Variants in NOL10 observed in about 807,000 individuals in gnomAD.
NOL10 encodes nucleolar protein 10, also known as H_NH0074G24.1.
A neutral mutation model predicts 103.5 loss-of-function variants in NOL10; 58 were observed. That is an observed-to-expected ratio of 0.56 (90% CI 0.45 to 0.70). NOL10 has a LOEUF of 0.70. Among genes scored for constraint, NOL10 ranks in the 30% least tolerant of loss-of-function variants. The pLI is 0.00. For missense variants in NOL10, 763 were observed against 807.3 expected (o/e 0.95, Z 0.67); for synonymous variants, 287 against 282.5 (o/e 1.02, Z -0.16).
chr2:10,597,746 A>AT (rs1450680507), intron 17 of NOL10, among the ~76,000 whole-genome samples: 1 of 152,220 alleles, frequency 6.6e-6, no homozygotes, highest in Non-Finnish European at 1.5e-5. Context: ...CTTTGGAAGA[A>AT]TTCTGTTATC....
chr2:10,593,900 C>A (rs1216155489), intron 17 of NOL10, among the ~76,000 whole-genome samples: 1 of 152,164 alleles, frequency 6.6e-6, no homozygotes, highest in Non-Finnish European at 1.5e-5. Flanking sequence ...ACCTGACCAG[C>A]CAAGAGAAAG....
chr2:10,681,469 G>T lies in NOL10; in HGVS notation c.211+502C>A, dbSNP rs368913987. ...AGCAATGGTTGTCTCTGCATGGGTG[G>T]GAGAAATTTTCTGCAGGAAAAAAAT... On this transcript the variant is annotated intron_variant, in intron 3 of 20. Coordinates refer to ENST00000381685, the MANE Select transcript of NOL10 (RefSeq NM_024894.4). 2.1e-3 allele frequency among the ~76,000 whole-genome samples: 320 copies of T among 152,218 alleles called. 2 individuals carry two copies. Among genetic ancestry groups the T allele is most frequent in the African/African-American group, 7.5e-3 (310 of 41,556 alleles).
intron 13 of NOL10, among the ~76,000 whole-genome samples, chr2:10,638,118 C>CA (rs959914104): frequency 5.3e-5 from 8 of 152,060 alleles, no homozygotes; most frequent in East Asian, 1.9e-4. Flanking sequence ...CCTCTCTCTA[C>CA]AAAAAAACAG....
intron 6 of NOL10, among the ~76,000 whole-genome samples, chr2:10,669,272 T>C (rs1399907391): frequency 1.3e-5 from 2 of 150,922 alleles, no homozygotes; most frequent in Admixed American, 1.3e-4. Flanking sequence ...GTATTTTTAG[T>C]AGAGGCGAGG....
Position 10,600,791 on chromosome 2 carries a change from A to G in NOL10, c.1422+62T>C, listed in dbSNP as rs893664793. 25 of 1,086,738 alleles carry G rather than the reference A, an allele frequency of 2.3e-5. No individual in the cohort carries two copies. In the East Asian group the frequency reaches 6.0e-4, roughly 26 times the overall value. The allele number at this position is 1,086,738 out of a possible 1,614,324, so 67.3% of individuals were successfully genotyped here. ...TTTTTAAAGTAAAAAGAAACAATAA[A>G]AAAGATGTAAGTTACTATCAACAAA... On this transcript the variant is annotated intron_variant, in intron 17 of 20. Transcript: ENST00000381685.
intron 19 of NOL10, among the ~76,000 whole-genome samples, chr2:10,580,352 C>A (rs1259396794): frequency 6.6e-6 from 1 of 151,824 alleles, no homozygotes; most frequent in African/African-American, 2.4e-5. Context: ...TTTCCCTCCC[C>A]CTCCTCTCCC....
In NOL10 at chr2:10,571,997, G is replaced by C. The variant is rs534280257; in HGVS notation, c.*74C>G. On this transcript the variant is annotated 3_prime_UTR_variant, in exon 21 of 21. Transcript: ENST00000381685. ...TAAAAACGTGTGTTTCCTCGTCTGT[G>C]TTTAACACCCTAACGATGATCAGTT... 5.2e-6 allele frequency: 8 copies of C among 1,535,856 alleles called. No homozygotes were observed. The Admixed American group carries it at 1.2e-4, about 24-fold the overall frequency.
chr2:10,615,158 TG>T (rs1048473587), intron 13 of NOL10, among the ~76,000 whole-genome samples: 1 of 152,272 alleles, frequency 6.6e-6, no homozygotes, highest in African/African-American at 2.4e-5. Flanking sequence ...TGAGTAATTA[TG>T]AGTCATTTAA....
intron 13 of NOL10, among the ~76,000 whole-genome samples, chr2:10,643,270 A>G (rs184470680): frequency 1.3e-5 from 2 of 152,204 alleles, no homozygotes; most frequent in African/African-American, 4.8e-5. Flanking sequence ...GTGAAAATAC[A>G]TAACTGAGCA....
intron 8 of NOL10, among the ~76,000 whole-genome samples, chr2:10,667,011 A>G (rs1310512979): frequency 1.3e-5 from 2 of 152,210 alleles, no homozygotes; most frequent in Non-Finnish European, 2.9e-5. Flanking sequence ...GTAAGTGTGA[A>G]GGACATTGAT....
intron 13 of NOL10, chr2:10,634,659 T>C: frequency 2.2e-6 from 1 of 454,678 alleles, no homozygotes; most frequent in Middle Eastern, 4.2e-4. Flanking sequence ...AGAATATAAA[T>C]AAAGAAGAGA....
intron 13 of NOL10, among the ~76,000 whole-genome samples, chr2:10,633,259 T>G (rs1541573): frequency 0.59 from 89,341 of 151,814 alleles, 27,313 homozygotes; most frequent in African/African-American, 0.74. Flanking sequence ...TTGAGACAAG[T>G]TCTCACCATG....
At chr2:10,636,420 C>CAAAAAAAAAAAAAAAAA (rs70953327) in intron 13 of NOL10, among the ~76,000 whole-genome samples, 4 of 54,696 alleles carry the variant, frequency 7.3e-5, no homozygotes, top group Non-Finnish European at 9.3e-5. Flanking sequence ...TACAAAAAAC[C>CAAAAAAAAAAAAAAAAA]AAAAAAAAAA....
intron 13 of NOL10, among the ~76,000 whole-genome samples, chr2:10,608,016 C>T (rs1453717509): frequency 9.2e-5 from 14 of 152,052 alleles, no homozygotes; most frequent in Middle Eastern, 3.4e-3. Flanking sequence ...TTGAAAATCG[C>T]TAAGAGAGTA....
chr2:10,610,692 G>A (rs965809788), intron 13 of NOL10, among the ~76,000 whole-genome samples: 3 of 152,116 alleles, frequency 2.0e-5, no homozygotes, highest in African/African-American at 4.8e-5. Flanking sequence ...CCACAGGCAC[G>A]TCACACTCTC....
In NOL10 at chr2:10,671,651, A is replaced by C; in HGVS notation, c.367T>G (p.Ser123Ala). Reference protein sequence around the residue: ...LHNDRYIEFHSQSGFYYKTRI... With the variant: ...LHNDRYIEFHAQSGFYYKTRI... ...GTTTTGTAGTAAAAACCTGATTGCG[A>C]ATGAAATTCAATGTATCTATCATTA... The change falls in exon 6 of 21, where the codon TCG (serine) becomes GCG (alanine). Residue 123 changes from serine (S) to alanine (A), a missense_variant. Ser to Ala is a moderately conservative substitution (Grantham distance 99, BLOSUM62 1). Transcript: ENST00000381685. The C allele has an allele frequency of 6.3e-7, 1 of 1,578,624 alleles. No individual in the cohort carries two copies. The highest frequency in any genetic ancestry group is 8.6e-7 in the Non-Finnish European group (1 of 1,159,652).
intron 13 of NOL10, among the ~76,000 whole-genome samples, chr2:10,641,923 C>G (rs895746607): frequency 2.0e-5 from 3 of 152,180 alleles, no homozygotes; most frequent in Non-Finnish European, 4.4e-5. Context: ...ACTGAGAGTG[C>G]TTTTCACCTG....
intron 17 of NOL10, among the ~76,000 whole-genome samples, chr2:10,598,795 A>T (rs1675830187): frequency 1.0e-5 from 1 of 95,638 alleles, no homozygotes. Flanking sequence ...TATTGACAAA[A>T]GAAATAAAAG....
chr2:10,654,544 TTCCC>T lies in NOL10; in HGVS notation c.907-1_909del. ...TCTGGCTCCAAGGAAGTAAATATTT[TTCCC>T]TAAAAATAGCAAGCAAAAACGAAGT... On this transcript the variant is annotated splice_acceptor_variant and coding_sequence_variant, in exon 12 of 21. Coordinates refer to ENST00000381685, the MANE Select transcript of NOL10 (RefSeq NM_024894.4). LOFTEE classifies it high-confidence loss of function. 6.3e-7 allele frequency: 1 copy of T among 1,590,444 alleles called. No homozygotes were observed. The highest frequency in any genetic ancestry group is 8.5e-7 in the Non-Finnish European group (1 of 1,172,854).
Sources: gnomAD v4.1 joint callset for allele counts (sites outside exome capture counted in the v4.1 genomes callset) on GRCh38, gnomAD v4.1.1 for gene constraint, MANE v1.5 for transcripts, NCBI Gene and HGNC (gene_info 2026-07-23, HGNC 2026-07-21) for gene names.